The following TNFRSF14 variants were observed in gnomAD, a reference collection of about 807,000 sequenced individuals.
TNFRSF14 encodes TNF receptor superfamily member 14.
Under a neutral mutation model 34.1 loss-of-function variants are expected in TNFRSF14, and 18 were observed. That is an observed-to-expected ratio of 0.53 (90% CI 0.36 to 0.78). The LOEUF is 0.78. Ranked by LOEUF, TNFRSF14 falls within the 30% of genes least tolerant of loss-of-function variation. The probability of loss-of-function intolerance (pLI) is 0.00; values close to 1 mark genes in which losing one functional copy is unlikely to be tolerated. For synonymous variants in TNFRSF14, 157 were observed against 153.2 expected (o/e 1.02, Z -0.18); for missense variants, 352 against 379.5 (o/e 0.93, Z 0.60).
At chr1:2,554,467 G>C (rs564135789), upstream of TNFRSF14, among the ~76,000 whole-genome samples, 50 of 152,320 alleles carry the variant, frequency 3.3e-4, no homozygotes, top group African/African-American at 1.0e-3. This position sits in a 1 kb window ranked among gnomAD's most constrained non-coding sequence, Gnocchi z 4.2. Flanking sequence ...ACGGAGGGCC[G>C]AGGCGGGCGG....
intron 4 of TNFRSF14, 73 bp from the exon 5 acceptor site, chr1:2,560,551 A>T: frequency 8.6e-7 from 1 of 1,160,316 alleles, no homozygotes; most frequent in East Asian, 2.4e-5. Context: ...GCTCACAGAC[A>T]AGCAGTCCCT....
chr1:2,559,573 C>T, intron 3 of TNFRSF14: 1 of 1,527,622 alleles, frequency 6.5e-7, no homozygotes, highest in Non-Finnish European at 8.8e-7. Context: ...CTGGTTTCTC[C>T]CATCAACGAA....
chr1:2,563,125 C>T (rs1393389748), intron 7 of TNFRSF14, 23 bp from the exon 8 acceptor site: 2 of 1,612,544 alleles, frequency 1.2e-6, no homozygotes, highest in African/African-American at 2.7e-5. Flanking sequence ...CAGGCAGGGT[C>T]TCCACGATTC....
At position 2,561,476 on chromosome 1, in the gene TNFRSF14, C is replaced by G; in HGVS notation, c.552-197C>G. 6.6e-7 allele frequency: 1 copy of G among 1,504,398 alleles called. No individual in the cohort carries two copies. The highest frequency in any genetic ancestry group is 2.5e-5 in the East Asian group (1 of 40,330). The allele number at this position is 1,504,398 out of a possible 1,614,324, so 93.2% of individuals were successfully genotyped here. The stretch of plus-strand genomic sequence containing the variant: ...CTTGTTTCTCTTCTCCTCCTTCCTT[C>G]TCTCCACCTCCCCATAGCCGAGCTT... On this transcript the variant is annotated intron_variant, in intron 5 of 7. Transcript: ENST00000355716. This position sits in a 1 kb window ranked among gnomAD's most constrained non-coding sequence, Gnocchi z 6.0.
Position 2,559,839 on chromosome 1 carries a change from G to C in TNFRSF14, c.321G>C (p.Ala107=). Reference sequence around the variant, plus strand: ...GGACTCCAGCCATGGGCCTGCGCGCGAGCCGGAACTGCTCCAGGACAGAGA... The same window carrying C: ...GGACTCCAGCCATGGGCCTGCGCGCCAGCCGGAACTGCTCCAGGACAGAGA... ...QMCDPAMGLR[A]SRNCSRTENA... Residue 107 remains alanine (A), a synonymous_variant, in exon 4 of 8, where the codon GCG becomes GCC. Coordinates refer to ENST00000355716, the MANE Select transcript of TNFRSF14 (RefSeq NM_003820.4). 1.2e-6 allele frequency: 2 copies of C among 1,608,306 alleles called. No individual in the cohort carries two copies. Among genetic ancestry groups the C allele is most frequent in the Non-Finnish European group, 1.7e-6 (2 of 1,178,134 alleles).
chr1:2,559,667 A>G (rs1644275558), intron 3 of TNFRSF14, 156 bp from the exon 4 acceptor site: 1 of 1,535,050 alleles, frequency 6.5e-7, no homozygotes, highest in Non-Finnish European at 8.7e-7. Flanking sequence ...CAGGTCCTCC[A>G]TGCTGGGTAC....
At chr1:2,560,001 C>T in intron 4 of TNFRSF14, 23 bp downstream of exon 4, 5 of 1,513,540 alleles carry the variant, frequency 3.3e-6, no homozygotes, top group African/African-American at 1.4e-5. Context: ...TGGCGGACAC[C>T]CCTCCCATTT....
At position 2,558,449 on chromosome 1, in the gene TNFRSF14, G is replaced by A. The variant is rs1331676792; in HGVS notation, c.285G>A (p.Gln95=). ...TCAATGGCCTAAGCAAGTGTCTGCAGTGCCAAATGTGTGACCCAGGTAAGA... is the reference window on the plus strand; with the variant it reads ...TCAATGGCCTAAGCAAGTGTCTGCAATGCCAAATGTGTGACCCAGGTAAGA... ...AHLNGLSKCL[Q]CQMCDPAMGL... Residue 95 remains glutamine, a synonymous_variant, in exon 3 of 8, where the codon CAG becomes CAA. Coordinates refer to ENST00000355716, the MANE Select transcript of TNFRSF14 (RefSeq NM_003820.4). The A allele has an allele frequency of 1.2e-6, 2 of 1,613,080 alleles. No individual in the cohort carries two copies. The highest frequency in any genetic ancestry group is 3.3e-5 in the Admixed American group (2 of 59,852).
chr1:2,562,618 C>T (rs1644326549), intron 6 of TNFRSF14: 1 of 610,120 alleles, frequency 1.6e-6, no homozygotes, highest in Non-Finnish European at 2.9e-6. Flanking sequence ...TTGGGGGCCT[C>T]AGCTGGGGAG....
intron 1 of TNFRSF14, 114 bp from the exon 2 acceptor site, chr1:2,557,612 A>T: frequency 4.0e-6 from 3 of 752,070 alleles, no homozygotes; most frequent in South Asian, 4.3e-5. Context: ...CCTCTCTACC[A>T]GGCACTGCCG....
intron 3 of TNFRSF14, chr1:2,559,411 C>T: frequency 4.3e-6 from 6 of 1,387,532 alleles, no homozygotes; most frequent in Non-Finnish European, 5.7e-6. Context: ...ACCCTACCTG[C>T]CTCTGCCATT....
chr1:2,560,610 C>T lies in TNFRSF14; in HGVS notation c.461-14C>T. On this transcript the variant is annotated splice_polypyrimidine_tract_variant and intron_variant, in intron 4 of 7. Transcript: ENST00000355716. ...GGTGCCCTCAGCCCCCTCTGTCCGT[C>T]CCTCTCTTCTCAGGCACCGAGAGTC... is the stretch of plus-strand genomic sequence containing the variant. The T allele has an allele frequency of 6.2e-7, 1 of 1,610,072 alleles. No homozygotes were observed. The highest frequency in any genetic ancestry group is 8.5e-7 in the Non-Finnish European group (1 of 1,177,700).
rs1459635172 is a variant in TNFRSF14, at chr1:2,563,200, C to A, written c.779C>A (p.Ala260Asp). ...GCCACAGTCATTGAGGCCCTGCAGGCCCCTCCGGACGTCACCACGGTGGCC... is the reference window on the plus strand; with the variant it reads ...GCCACAGTCATTGAGGCCCTGCAGGACCCTCCGGACGTCACCACGGTGGCC... ...GEATVIEALQ[A>D]PPDVTTVAVE... Residue 260 changes from alanine (A) to aspartate (D), a missense_variant, in exon 8 of 8, where the codon GCC (alanine) becomes GAC (aspartate). Transcript: ENST00000355716. The A allele has an allele frequency of 1.2e-6, 2 of 1,613,500 alleles. No individual in the cohort carries two copies. Among genetic ancestry groups the A allele is most frequent in the Non-Finnish European group, 1.7e-6 (2 of 1,180,010 alleles).
chr1:2,561,633 T>C lies in TNFRSF14; in HGVS notation c.552-40T>C, dbSNP rs751003499. On this transcript the variant is annotated intron_variant, in intron 5 of 7. Coordinates refer to ENST00000355716, the MANE Select transcript of TNFRSF14 (RefSeq NM_003820.4). This position sits in a 1 kb window ranked among gnomAD's most constrained non-coding sequence, Gnocchi z 6.0. The stretch of plus-strand genomic sequence containing the variant: ...CTGAGGCTGAGTGAACACTGGGCGC[T>C]GCACCTGCCTCTCCCACGTCCTCGG... The C allele has an allele frequency of 5.6e-6, 9 of 1,610,620 alleles. No individual in the cohort carries two copies. The highest frequency in any genetic ancestry group is 6.8e-6 in the Non-Finnish European group (8 of 1,178,770).
chr1:2,563,025 A>G (rs917055993), intron 7 of TNFRSF14, 123 bp from the exon 8 acceptor site: 2 of 1,566,838 alleles, frequency 1.3e-6, no homozygotes, highest in South Asian at 2.3e-5. Context: ...TCTTTCAAGT[A>G]CAGCCACGGT....
chr1:2,562,694 TC>T (rs1303244958), intron 6 of TNFRSF14, 170 bp from the exon 7 acceptor site: 14 of 870,966 alleles, frequency 1.6e-5, no homozygotes, highest in Non-Finnish European at 2.7e-5. Flanking sequence ...GGGCTAGCAG[TC>T]CCAACACAGT....
upstream of TNFRSF14, chr1:2,554,590 A>T (rs528923434): frequency 6.6e-6 from 1 of 152,324 alleles, no homozygotes; most frequent in South Asian, 2.1e-4. The surrounding 1 kb of genome is among the most constrained non-coding windows in gnomAD (Gnocchi z 4.2). Flanking sequence ...GGTGGGGCAG[A>T]TGGGCTCCCT....
chr1:2,563,538 T>G lies in TNFRSF14; in HGVS notation c.*265T>G, dbSNP rs1644342890. 2.2e-6 allele frequency: 1 copy of G among 452,124 alleles called. No homozygotes were observed. Among genetic ancestry groups the G allele is most frequent in the Non-Finnish European group, 3.9e-6 (1 of 255,212 alleles). 28.0% of individuals were successfully genotyped at this position (452,124 alleles called of 1,614,324 possible). On this transcript the variant is annotated 3_prime_UTR_variant, in exon 8 of 8. Transcript: ENST00000355716. ...CCAGAGTCCTGAGGAGGAGCGCCAG[T>G]TGCCCCTCGCTCACAGACCACACAC...
upstream of TNFRSF14, chr1:2,555,956 GC>G: frequency 5.1e-6 from 1 of 197,526 alleles, no homozygotes; most frequent in Non-Finnish European, 1.1e-5. The surrounding 1 kb of genome is among the most constrained non-coding windows in gnomAD (Gnocchi z 6.3). Flanking sequence ...ACCGGGCGAG[GC>G]TGGCAGCCTT....
Sources: gnomAD v4.1 joint callset for allele counts (sites outside exome capture counted in the v4.1 genomes callset) on GRCh38, gnomAD v4.1.1 for gene constraint, Gnocchi (gnomAD v3.1) non-coding constraint, MANE v1.5 for transcripts, NCBI Gene and HGNC (gene_info 2026-07-23, HGNC 2026-07-21) for gene names.